Variants in NFIA observed in about 807,000 individuals in gnomAD.
NFIA encodes the protein nuclear factor 1 A-type.
Under a neutral mutation model 62.8 loss-of-function variants are expected in NFIA, and 8 were observed. That is an observed-to-expected ratio of 0.13 (90% CI 0.07 to 0.23). The LOEUF is 0.23. Among genes scored for constraint, NFIA ranks in the 10% least tolerant of loss-of-function variants. NFIA has a pLI of 1.00. For synonymous variants in NFIA, 235 were observed against 238.1 expected, an observed-to-expected ratio of 0.99 and a Z score of 0.12; for missense variants, 410 against 642.1, an observed-to-expected ratio of 0.64 and a Z score of 3.91.
chr1:61,139,839 C>T (rs1015882763), intron 2 of NFIA, among the ~76,000 whole-genome samples: 38 of 134,180 alleles, frequency 2.8e-4, no homozygotes, highest in African/African-American at 9.9e-4. Flanking sequence ...CCATCTCCCA[C>T]GGAGGTATAA....
At chr1:61,277,823 A>T (rs529860818) in intron 3 of NFIA, among the ~76,000 whole-genome samples, 4 of 152,280 alleles carry the variant, frequency 2.6e-5, no homozygotes, top group African/African-American at 9.6e-5. Flanking sequence ...TGAGAACCTG[A>T]ATTCCCAAGA....
chr1:61,120,724 G>C (rs1646874208), intron 2 of NFIA, among the ~76,000 whole-genome samples: 1 of 152,180 alleles, frequency 6.6e-6, no homozygotes, highest in Non-Finnish European at 1.5e-5. Context: ...ACAATCTGCA[G>C]TTAAGTCCAT....
intron 6 of NFIA, among the ~76,000 whole-genome samples, chr1:61,381,543 T>C (rs913556409): frequency 6.6e-6 from 1 of 152,202 alleles, no homozygotes; most frequent in Admixed American, 6.5e-5. Flanking sequence ...AATTGTCAAA[T>C]TAGTATGAAA....
chr1:61,385,021 C>T lies in NFIA; in HGVS notation c.1075+1656C>T, dbSNP rs1664603719. Reference sequence around the variant, plus strand: ...CCAAGGCGGGCAGATCACTTGAGCTCAGGAATTCAAGATCAGCCTGGCCAA... The same window carrying T: ...CCAAGGCGGGCAGATCACTTGAGCTTAGGAATTCAAGATCAGCCTGGCCAA... On this transcript the variant is annotated intron_variant, in intron 7 of 10. Coordinates refer to ENST00000403491, the MANE Select transcript of NFIA (RefSeq NM_001134673.4). 2.0e-5 allele frequency among the ~76,000 whole-genome samples: 3 copies of T among 152,134 alleles called. No individual in the cohort carries two copies. In the South Asian group the frequency reaches 6.2e-4, roughly 32 times the overall value.
At position 61,420,356 on chromosome 1, in the gene NFIA, T is replaced by C. The variant is rs1666549584; in HGVS notation, c.1421-6109T>C. 2.0e-5 allele frequency among the ~76,000 whole-genome samples: 3 copies of C among 152,052 alleles called. No individual in the cohort carries two copies. In the South Asian group the frequency reaches 6.2e-4, roughly 32 times the overall value. On this transcript the variant is annotated intron_variant, in intron 9 of 10. Transcript: ENST00000403491. Reference sequence around the variant, plus strand: ...ACAGTTTCTGCATTATTTTTAGAAATGAAAGTTTTCTCACAGGACCTTTTT... The same window carrying C: ...ACAGTTTCTGCATTATTTTTAGAAACGAAAGTTTTCTCACAGGACCTTTTT...
intron 2 of NFIA, among the ~76,000 whole-genome samples, chr1:61,103,739 G>A (rs1646550639): frequency 1.3e-5 from 2 of 152,056 alleles, no homozygotes; most frequent in African/African-American, 4.8e-5. Flanking sequence ...ATTTACCTTA[G>A]GACTGAATTT....
At chr1:61,089,627 G>A (rs1646280923) in intron 2 of NFIA, among the ~76,000 whole-genome samples, 1 of 151,432 alleles carries the variant, frequency 6.6e-6, no homozygotes, top group Non-Finnish European at 1.5e-5. Flanking sequence ...GAGCCAGATG[G>A]AAGAAAGAGG....
At chr1:61,394,637 C>T (rs937708836) in intron 7 of NFIA, among the ~76,000 whole-genome samples, 4 of 152,164 alleles carry the variant, frequency 2.6e-5, no homozygotes, top group Non-Finnish European at 5.9e-5. Flanking sequence ...AGGAGGCTGG[C>T]GTCTTGCTAG....
chr1:61,257,504 A>C (rs1469413308), intron 2 of NFIA, among the ~76,000 whole-genome samples: 1 of 151,128 alleles, frequency 6.6e-6, no homozygotes, highest in Admixed American at 6.6e-5. Context: ...TGTCCAGCTA[A>C]TTTTTGTATT....
intron 2 of NFIA, among the ~76,000 whole-genome samples, chr1:61,207,235 A>T (rs459997): frequency 0.54 from 82,026 of 151,626 alleles, 22,705 homozygotes; most frequent in East Asian, 0.75. Flanking sequence ...TGGGGAATAA[A>T]TGGCATTTTA....
chr1:61,221,222 C>T (rs1232580004), intron 2 of NFIA, among the ~76,000 whole-genome samples: 2 of 145,394 alleles, frequency 1.4e-5, no homozygotes, highest in Admixed American at 6.7e-5. Context: ...AAATTACATT[C>T]TCTATTTAAT....
chr1:61,397,710 C>T (rs1471342875), intron 7 of NFIA, among the ~76,000 whole-genome samples: 1 of 152,222 alleles, frequency 6.6e-6, no homozygotes, highest in Non-Finnish European at 1.5e-5. Context: ...AGAAGCTCAG[C>T]AACCTGAAGC....
intron 4 of NFIA, 69 bp downstream of exon 4, chr1:61,332,655 C>G: frequency 7.7e-7 from 1 of 1,302,196 alleles, no homozygotes; most frequent in South Asian, 1.3e-5. Flanking sequence ...GCCTAGGACT[C>G]CTAGAGACCA....
chr1:61,328,329 G>A (rs528101086), intron 3 of NFIA, among the ~76,000 whole-genome samples: 215 of 151,816 alleles, frequency 1.4e-3, no homozygotes, highest in African/African-American at 5.0e-3. Flanking sequence ...TGGCTCCTTC[G>A]TATCTTTCAG....
At position 61,322,412 on chromosome 1, in the gene NFIA, C is replaced by T. The variant is rs191539599; in HGVS notation, c.626-10100C>T. ...AGCCTAAGTTGGCAGGATGGTTCTA[C>T]TCCACAGTGTCATTCAGGGTCCCAG... is the stretch of plus-strand genomic sequence containing the variant. On this transcript the variant is annotated intron_variant, in intron 3 of 10. Coordinates refer to ENST00000403491, the MANE Select transcript of NFIA (RefSeq NM_001134673.4). 1.6e-3 allele frequency among the ~76,000 whole-genome samples: 243 copies of T among 152,322 alleles called. 1 individual carries two copies. The highest frequency in any genetic ancestry group is 5.5e-3 in the African/African-American group (230 of 41,568).
chr1:61,195,821 A>G (rs960974433), intron 2 of NFIA, among the ~76,000 whole-genome samples: 13 of 152,166 alleles, frequency 8.5e-5, no homozygotes, highest in Admixed American at 6.5e-4. Context: ...TAGAAATTCA[A>G]TTTCACTTTT....
At chr1:61,285,683 C>A (rs1352434826) in intron 3 of NFIA, among the ~76,000 whole-genome samples, 1 of 152,112 alleles carries the variant, frequency 6.6e-6, no homozygotes, top group South Asian at 2.1e-4. Flanking sequence ...GGGTAGGGGG[C>A]ACTATTTGCT....
intron 2 of NFIA, among the ~76,000 whole-genome samples, chr1:61,142,922 C>G (rs1037784288): frequency 1.3e-5 from 2 of 152,164 alleles, no homozygotes; most frequent in Non-Finnish European, 2.9e-5. Flanking sequence ...TGCACTCACC[C>G]TGGCGAGGAG....
upstream of NFIA, among the ~76,000 whole-genome samples, chr1:61,080,117 T>TA (rs1006950205): frequency 1.3e-5 from 2 of 152,056 alleles, no homozygotes; most frequent in African/African-American, 4.8e-5. Context: ...AGCCCTTGCC[T>TA]AGAGGGCGCA....
Sources: allele counts gnomAD v4.1 joint callset (sites outside exome capture counted in the v4.1 genomes callset), GRCh38; gene constraint gnomAD v4.1.1; transcripts MANE v1.5; gene names NCBI Gene and HGNC (gene_info 2026-07-23, HGNC 2026-07-21).